NEDD4L: variants seen among roughly 807,000 people sequenced by gnomAD.
The protein encoded by NEDD4L is NEDD4 like E3 ubiquitin protein ligase.
In NEDD4L, 54 loss-of-function variants were observed where a neutral mutation model predicts 148.9. That is an observed-to-expected ratio of 0.36 (90% CI 0.29 to 0.45). NEDD4L has a LOEUF of 0.45. Among genes scored for constraint, NEDD4L ranks in the 20% least tolerant of loss-of-function variants. NEDD4L has a pLI of 1.00. For synonymous variants in NEDD4L, 433 were observed against 440.7 expected, an observed-to-expected ratio of 0.98 and a Z score of 0.22; for missense variants, 856 against 1,233.8, an observed-to-expected ratio of 0.69 and a Z score of 4.59.
chr18:58,094,456 G>A (rs2084259116), intron 1 of NEDD4L, among the ~76,000 whole-genome samples: 1 of 151,962 alleles, frequency 6.6e-6, no homozygotes, highest in Non-Finnish European at 1.5e-5. Context: ...TACAGTGTTG[G>A]GATTACAGAC....
At chr18:58,267,527 C>G (rs2050391318) in intron 5 of NEDD4L, among the ~76,000 whole-genome samples, 1 of 151,998 alleles carries the variant, frequency 6.6e-6, no homozygotes, top group African/African-American at 2.4e-5. Flanking sequence ...ATCCTGGTCC[C>G]TGGCCTGTGC....
intron 5 of NEDD4L, among the ~76,000 whole-genome samples, chr18:58,292,605 G>C (rs1476963712): frequency 2.0e-5 from 3 of 152,204 alleles, no homozygotes; most frequent in African/African-American, 7.2e-5. Context: ...TGTATTTATA[G>C]ATGGTTCTAT....
At chr18:58,090,276 C>T (rs977955854) in intron 1 of NEDD4L, among the ~76,000 whole-genome samples, 1 of 152,144 alleles carries the variant, frequency 6.6e-6, no homozygotes, top group African/African-American at 2.4e-5. Context: ...AGTTTAGGGA[C>T]CCAGTAGGAG....
chr18:58,385,884 A>C lies in NEDD4L; in HGVS notation c.2487+298A>C, dbSNP rs8087212. On this transcript the variant is annotated intron_variant, in intron 26 of 30. Coordinates refer to ENST00000400345, the MANE Select transcript of NEDD4L (RefSeq NM_001144967.3). The stretch of plus-strand genomic sequence containing the variant: ...CGTTTTACAGACTTGATCTAGAACC[A>C]TTGTCTTGGAGTTTCAGGCGGTACC... Among the ~76,000 whole-genome samples the C allele has an allele frequency of 0.08, 12,137 of 151,750 alleles. 711 individuals carry two copies. The highest frequency in any genetic ancestry group is 0.19 in the South Asian group (899 of 4,786).
intron 24 of NEDD4L, 44 bp downstream of exon 24, chr18:58,373,313 G>A (rs1338632209): frequency 1.7e-6 from 2 of 1,161,002 alleles, no homozygotes; most frequent in African/African-American, 1.5e-5. Flanking sequence ...GCTTTCAAGG[G>A]GCATTTTTCT....
chr18:58,304,825 T>C (rs896198400), intron 5 of NEDD4L, among the ~76,000 whole-genome samples: 2 of 152,204 alleles, frequency 1.3e-5, no homozygotes, highest in African/African-American at 2.4e-5. Flanking sequence ...AAGCCTAAGA[T>C]GTATGTTGCA....
At chr18:58,096,180 T>G (rs181756621) in intron 1 of NEDD4L, among the ~76,000 whole-genome samples, 12 of 152,136 alleles carry the variant, frequency 7.9e-5, no homozygotes, top group Middle Eastern at 3.4e-3. Context: ...TTTATTATTT[T>G]CTTCTGTACA....
chr18:58,232,631 C>G (rs527842888), intron 2 of NEDD4L, among the ~76,000 whole-genome samples: 1 of 152,278 alleles, frequency 6.6e-6, no homozygotes, highest in East Asian at 1.9e-4. Context: ...GGGGCATCAC[C>G]GTAATGTGGC....
chr18:58,093,545 A>C (rs2084202289), intron 1 of NEDD4L, among the ~76,000 whole-genome samples: 1 of 152,202 alleles, frequency 6.6e-6, no homozygotes, highest in African/African-American at 2.4e-5. Context: ...CCCCACCCAA[A>C]TTGAAGCTGA....
chr18:58,341,076 T>C lies in NEDD4L; in HGVS notation c.1164T>C (p.Pro388=), dbSNP rs770519664. The change falls in exon 14 of 31, where the codon CCT becomes CCC. Residue 388 remains proline, a synonymous_variant. Transcript: ENST00000400345. ...VAYVHTTPGL[P]SGWEERKDAK... ...ATGTACATACCACGCCGGGTCTGCCTTCAGGCTGGGAAGAAAGAAAAGATG... is the reference window on the plus strand; with the variant it reads ...ATGTACATACCACGCCGGGTCTGCCCTCAGGCTGGGAAGAAAGAAAAGATG... 23 of 1,611,422 alleles carry C rather than the reference T, an allele frequency of 1.4e-5. No homozygotes were observed. Among genetic ancestry groups the C allele is most frequent in the Non-Finnish European group, 9.3e-6 (11 of 1,178,866 alleles).
chr18:58,230,298 A>G (rs954713292), intron 2 of NEDD4L, among the ~76,000 whole-genome samples: 4 of 152,178 alleles, frequency 2.6e-5, no homozygotes, highest in African/African-American at 4.8e-5. Flanking sequence ...ACACACAAGG[A>G]TATCAACTCT....
At chr18:58,338,144 C>G (rs555882778) in intron 13 of NEDD4L, among the ~76,000 whole-genome samples, 6 of 152,326 alleles carry the variant, frequency 3.9e-5, no homozygotes, top group African/African-American at 1.4e-4. Flanking sequence ...CTAGGAAGTT[C>G]TAGCTAATGG....
chr18:58,341,602 GTTT>G, intron 14 of NEDD4L, 73 bp from the exon 15 acceptor site: 1 of 1,456,046 alleles, frequency 6.9e-7, no homozygotes, highest in Non-Finnish European at 9.3e-7. Flanking sequence ...TTGCGTTGTT[GTTT>G]GGGTTCGCGC....
intron 2 of NEDD4L, among the ~76,000 whole-genome samples, chr18:58,233,606 A>G (rs2148183054): frequency 6.6e-6 from 1 of 152,372 alleles, no homozygotes; most frequent in Admixed American, 6.5e-5. Flanking sequence ...CAGCCAAACC[A>G]TATCAGTTAT....
At chr18:58,139,288 C>G (rs1410145281) in intron 1 of NEDD4L, among the ~76,000 whole-genome samples, 1 of 143,626 alleles carries the variant, frequency 7.0e-6, no homozygotes, top group African/African-American at 2.6e-5. Context: ...TCCCTCCCAA[C>G]CCCTCCCCCG....
intron 1 of NEDD4L, among the ~76,000 whole-genome samples, chr18:58,159,388 C>T (rs561277210): frequency 2.5e-4 from 38 of 152,120 alleles, no homozygotes; most frequent in African/African-American, 5.5e-4. Context: ...CTAAGGTAAA[C>T]GATGGGCTTC....
intron 1 of NEDD4L, among the ~76,000 whole-genome samples, chr18:58,065,421 C>T (rs1025741451): frequency 2.0e-5 from 3 of 152,210 alleles, no homozygotes; most frequent in African/African-American, 7.2e-5. Flanking sequence ...GTCTCAGCTG[C>T]CATGCTTATG....
At chr18:58,371,252 G>A (rs1326928243) in intron 23 of NEDD4L, among the ~76,000 whole-genome samples, 3 of 126,730 alleles carry the variant, frequency 2.4e-5, no homozygotes, top group Non-Finnish European at 4.7e-5. Context: ...ACGAGGTTTC[G>A]CTATGTTGGC....
intron 24 of NEDD4L, among the ~76,000 whole-genome samples, chr18:58,377,092 C>T (rs951778210): frequency 2.6e-5 from 4 of 152,228 alleles, no homozygotes; most frequent in African/African-American, 7.2e-5. Flanking sequence ...AGCTTCCTCC[C>T]GATGATGGCA....
Sources: allele counts gnomAD v4.1 joint callset (sites outside exome capture counted in the v4.1 genomes callset), GRCh38; gene constraint gnomAD v4.1.1; transcripts MANE v1.5; gene names NCBI Gene and HGNC (gene_info 2026-07-23, HGNC 2026-07-21).